AKR1E2: variants seen among roughly 807,000 people sequenced by gnomAD.
AKR1E2 encodes the protein aldo-keto reductase family 1 member E2, also known as 1,5-anhydro-D-fructose reductase.
Under a neutral mutation model 41.9 loss-of-function variants are expected in AKR1E2, and 43 were observed. That is an observed-to-expected ratio of 1.03 (90% CI 0.80 to 1.32). The LOEUF is 1.32. Among genes scored for constraint, AKR1E2 ranks in the 40% most tolerant of loss-of-function variants. AKR1E2 has a pLI of 0.00. For missense variants in AKR1E2, 423 were observed against 396.5 expected (o/e 1.07, Z -0.57); for synonymous variants, 121 against 138.9 (o/e 0.87, Z 0.91).
At chr10:4,856,685 T>C in the AKR1E2 span, among the ~76,000 whole-genome samples, 1 of 152,240 alleles carries the variant, frequency 6.6e-6, no homozygotes, top group African/African-American at 2.4e-5. Flanking sequence ...GAAACTGCTA[T>C]AATTCTGATA....
intron 1 of AKR1E2, among the ~76,000 whole-genome samples, chr10:4,827,472 T>A (rs149768673): frequency 1.3e-5 from 2 of 152,096 alleles, no homozygotes; most frequent in East Asian, 3.9e-4. Flanking sequence ...ATTCCCTCCT[T>A]CCTCACCTCC....
At chr10:4,861,854 C>A in the AKR1E2 span, among the ~76,000 whole-genome samples, 1 of 152,038 alleles carries the variant, frequency 6.6e-6, no homozygotes, top group Non-Finnish European at 1.5e-5. Context: ...GAGTAGATTG[C>A]AAAAATTTTC....
At chr10:4,830,986 T>C in intron 2 of AKR1E2, 144 bp downstream of exon 2, 4 of 1,059,402 alleles carry the variant, frequency 3.8e-6, no homozygotes, top group Non-Finnish European at 5.4e-6. Context: ...ATGAGCATGC[T>C]GAATTATATT....
the AKR1E2 span, among the ~76,000 whole-genome samples, chr10:4,862,061 T>C: frequency 2.0e-5 from 3 of 152,230 alleles, no homozygotes; most frequent in Non-Finnish European, 4.4e-5. Context: ...TTTATGGTTT[T>C]AGGTCTAACA....
chr10:4,835,560 C>T, intron 3 of AKR1E2, 115 bp from the exon 4 acceptor site: 1 of 1,331,580 alleles, frequency 7.5e-7, no homozygotes, highest in Admixed American at 2.6e-5. Context: ...GTCACATGGC[C>T]AGGCTGGGGT....
rs149822509 is a variant in AKR1E2 at position 4,835,679 on chromosome 10, C to G, written c.329C>G (p.Pro110Arg). 1,665 of 1,613,876 alleles carry G rather than the reference C, an allele frequency of 1.0e-3. 17 individuals carry two copies. In the African/African-American group the frequency reaches 0.019, roughly 19 times the overall value. ...LIHWPMGFKP[P>R]HPEWIMSCSE... Reference sequence around the variant, plus strand: ...CTCAACTCTCCTTCTTCGCAGCCTCCTCATCCAGAATGGATCATGAGCTGC... The same window carrying G: ...CTCAACTCTCCTTCTTCGCAGCCTCGTCATCCAGAATGGATCATGAGCTGC... Residue 110 changes from proline to arginine, a missense_variant, in exon 4 of 10, where the codon CCT becomes CGT. Coordinates refer to ENST00000298375, the MANE Select transcript of AKR1E2 (RefSeq NM_001040177.3).
chr10:4,843,897 T>G (rs1324705923), intron 8 of AKR1E2, among the ~76,000 whole-genome samples: 3 of 152,218 alleles, frequency 2.0e-5, no homozygotes, highest in South Asian at 2.1e-4. Flanking sequence ...CAGCCAACCT[T>G]AAGCCTGAAA....
At chr10:4,828,748 A>G (rs1317681949) in intron 1 of AKR1E2, among the ~76,000 whole-genome samples, 1 of 152,208 alleles carries the variant, frequency 6.6e-6, no homozygotes, top group Non-Finnish European at 1.5e-5. Flanking sequence ...CATTTCTAAC[A>G]TCTTTTCATA....
intron 2 of AKR1E2, 104 bp downstream of exon 2, chr10:4,830,946 A>G: frequency 1.4e-6 from 2 of 1,384,096 alleles, no homozygotes; most frequent in South Asian, 1.3e-5. Context: ...TCATACTCAA[A>G]TCGGAATAAA....
intron 4 of AKR1E2, 150 bp from the exon 5 acceptor site, chr10:4,837,309 A>G (rs1049887206): frequency 5.2e-6 from 6 of 1,157,004 alleles, no homozygotes; most frequent in Non-Finnish European, 7.1e-6. Context: ...TCAGACCTTG[A>G]GTGCAGAAAT....
chr10:4,826,401 G>T, intron 1 of AKR1E2, 38 bp downstream of exon 1: 1 of 1,231,700 alleles, frequency 8.1e-7, no homozygotes. Flanking sequence ...GCCTGACCTA[G>T]GGGAGCGCGG....
chr10:4,825,373 A>C (rs1165538529), upstream of AKR1E2, among the ~76,000 whole-genome samples: 1 of 151,988 alleles, frequency 6.6e-6, no homozygotes, highest in Non-Finnish European at 1.5e-5. Flanking sequence ...TCCAGGAGAG[A>C]TAAGAGGGGC....
In AKR1E2 at chr10:4,839,765, A is replaced by G. The variant is rs1220888276; in HGVS notation, c.619A>G (p.Ile207Val). 4.3e-6 allele frequency: 7 copies of G among 1,613,912 alleles called. No homozygotes were observed. Among genetic ancestry groups the G allele is most frequent in the East Asian group, 4.5e-5 (2 of 44,872 alleles). ...CHPYLTQKNLISFCQSRDVSV... is the reference protein window; with the variant it reads ...CHPYLTQKNLVSFCQSRDVSV... ...CCCATATCTTACTCAGAAGAATCTG[A>G]TCAGTTTTTGCCAATCCAGAGATGT... is the stretch of plus-strand genomic sequence containing the variant. Residue 207 changes from isoleucine (I) to valine (V), a missense_variant, in exon 6 of 10, where the codon ATC becomes GTC. By Grantham distance (29) the Ile-to-Val change is conservative. Transcript: ENST00000298375.
the AKR1E2 span, among the ~76,000 whole-genome samples, chr10:4,866,648 T>TG: frequency 3.2e-5 from 4 of 124,158 alleles, no homozygotes; most frequent in Non-Finnish European, 5.2e-5. Context: ...TGTTTTTGTT[T>TG]TTTTTTTTTT....
chr10:4,867,849 C>T, the AKR1E2 span, among the ~76,000 whole-genome samples: 1 of 152,012 alleles, frequency 6.6e-6, no homozygotes, highest in Non-Finnish European at 1.5e-5. Context: ...GAGGCAGCGT[C>T]CTCAGGGTCC....
At chr10:4,868,148 A>G in the AKR1E2 span, among the ~76,000 whole-genome samples, 1 of 152,154 alleles carries the variant, frequency 6.6e-6, no homozygotes, top group Admixed American at 6.5e-5. Flanking sequence ...ACTATCAAAG[A>G]CTACAGCAGT....
chr10:4,842,599 C>T (rs1000602978), intron 8 of AKR1E2, 95 bp downstream of exon 8: 6 of 1,101,568 alleles, frequency 5.4e-6, no homozygotes, highest in Non-Finnish European at 8.1e-6. Flanking sequence ...GGTTGCGGAG[C>T]TTGATGCAAC....
At chr10:4,825,563 T>C (rs1337669140), upstream of AKR1E2, among the ~76,000 whole-genome samples, 7 of 152,152 alleles carry the variant, frequency 4.6e-5, no homozygotes, top group Admixed American at 3.9e-4. Flanking sequence ...GGACCCCCGC[T>C]GTCCTGCAAG....
At chr10:4,833,681 G>C (rs1833165750) in intron 3 of AKR1E2, among the ~76,000 whole-genome samples, 1 of 152,114 alleles carries the variant, frequency 6.6e-6, no homozygotes, top group Admixed American at 6.5e-5. Context: ...GGCCCCCACA[G>C]GTCTGTCTTT....
Sources: allele counts gnomAD v4.1 joint callset (sites outside exome capture counted in the v4.1 genomes callset), GRCh38; gene constraint gnomAD v4.1.1; transcripts MANE v1.5; gene names NCBI Gene and HGNC (gene_info 2026-07-23, HGNC 2026-07-21).